The following HPSE2 variants were observed in gnomAD, a reference collection of about 807,000 sequenced individuals.
The protein encoded by HPSE2 is inactive heparanase-2.
In HPSE2, 38 loss-of-function variants were observed where a neutral mutation model predicts 60.5. The ratio of observed to expected loss-of-function variants is 0.63; its 90% confidence interval spans 0.48 to 0.82. HPSE2 has a LOEUF of 0.82. Among genes scored for constraint, HPSE2 ranks in the 40% least tolerant of loss-of-function variants. The pLI, the probability that HPSE2 is intolerant of heterozygous loss-of-function variation, is 0.00. For synonymous variants in HPSE2, 295 were observed against 293.2 expected (o/e 1.01, Z -0.06); for missense variants, 713 against 740.4 (o/e 0.96, Z 0.43).
intron 4 of HPSE2, among the ~76,000 whole-genome samples, chr10:98,722,529 T>C (rs1272475830): frequency 3.3e-5 from 5 of 152,140 alleles, no homozygotes; most frequent in Non-Finnish European, 2.9e-5. Context: ...ATGGCAAGCG[T>C]AGAAAACTAA....
chr10:98,914,348 T>C (rs550570818), intron 3 of HPSE2, among the ~76,000 whole-genome samples: 26 of 152,186 alleles, frequency 1.7e-4, no homozygotes, highest in African/African-American at 5.3e-4. Context: ...GAAACCTCTT[T>C]CTTTTGTAAA....
chr10:98,582,147 C>T lies in HPSE2; in HGVS notation c.1320+32757G>A, dbSNP rs373127453. ...TGATCTTAAAGATGAAAAAACAGAA[C>T]TAGAGTTATTTCAACTCTGTCAATT... On this transcript the variant is annotated intron_variant, in intron 9 of 11. Transcript: ENST00000370552. Among the ~76,000 whole-genome samples the T allele has an allele frequency of 1.4e-4, 22 of 152,284 alleles. No homozygotes were observed. In the East Asian group the frequency reaches 2.3e-3, roughly 16 times the overall value.
At chr10:99,059,691 CAGTT>C (rs145903573) in intron 3 of HPSE2, among the ~76,000 whole-genome samples, 2,076 of 152,068 alleles carry the variant, frequency 0.014, 46 homozygotes, top group African/African-American at 0.046. Context: ...AAGAGAAAAA[CAGTT>C]AGGCACAAAA....
intron 2 of HPSE2, among the ~76,000 whole-genome samples, chr10:99,190,162 C>T (rs914301297): frequency 1.3e-5 from 2 of 152,146 alleles, no homozygotes; most frequent in African/African-American, 2.4e-5. Context: ...GGGCATTGTG[C>T]TAATACTTTA....
intron 3 of HPSE2, among the ~76,000 whole-genome samples, chr10:98,936,633 T>A (rs1954799235): frequency 7.0e-6 from 1 of 143,122 alleles, no homozygotes; most frequent in South Asian, 2.1e-4. Flanking sequence ...AGAACAGAGT[T>A]CAGTCATTGT....
chr10:98,480,263 T>C (rs1430082911), intron 11 of HPSE2, among the ~76,000 whole-genome samples: 1 of 152,012 alleles, frequency 6.6e-6, no homozygotes, highest in Non-Finnish European at 1.5e-5. Flanking sequence ...TGTATTTTTT[T>C]TGTACAGAAG....
In HPSE2 at chr10:98,545,368, C is replaced by G. The variant is rs1486098401; in HGVS notation, c.1321-55172G>C. Among the ~76,000 whole-genome samples, 4 of 152,262 alleles carry G rather than the reference C, an allele frequency of 2.6e-5. No homozygotes were observed. In the East Asian group the frequency reaches 7.7e-4, roughly 29 times the overall value. On this transcript the variant is annotated intron_variant, in intron 9 of 11. Transcript: ENST00000370552. Reference sequence around the variant, plus strand: ...CACAACCAAAAAAGAGAATTTTAGACCAATATCCTTGATGAATATTGATGC... The same window carrying G: ...CACAACCAAAAAAGAGAATTTTAGAGCAATATCCTTGATGAATATTGATGC...
chr10:99,054,857 C>A (rs1395300320), intron 3 of HPSE2, among the ~76,000 whole-genome samples: 1 of 152,152 alleles, frequency 6.6e-6, no homozygotes, highest in East Asian at 1.9e-4. Context: ...ATTACAGGCA[C>A]CCAGCACCAT....
chr10:99,306,539 C>A, the HPSE2 span, among the ~76,000 whole-genome samples: 1 of 152,072 alleles, frequency 6.6e-6, no homozygotes, highest in Admixed American at 6.6e-5. Context: ...TCTTTTTATG[C>A]CCTCTTGGTG....
At chr10:99,056,620 C>T (rs1721123218) in intron 3 of HPSE2, among the ~76,000 whole-genome samples, 1 of 152,014 alleles carries the variant, frequency 6.6e-6, no homozygotes, top group African/African-American at 2.4e-5. Context: ...ATTAATCTCC[C>T]TAAAAATTAG....
At chr10:98,631,365 C>A (rs977217932) in intron 7 of HPSE2, among the ~76,000 whole-genome samples, 3 of 152,168 alleles carry the variant, frequency 2.0e-5, no homozygotes, top group Non-Finnish European at 2.9e-5. Context: ...AAAAGTTTCA[C>A]AGAGCCCAAA....
chr10:98,794,188 C>T (rs1950720157), intron 3 of HPSE2, among the ~76,000 whole-genome samples: 1 of 151,908 alleles, frequency 6.6e-6, no homozygotes, highest in Non-Finnish European at 1.5e-5. Context: ...CTAATGGCCC[C>T]CAAAATGTCC....
intron 9 of HPSE2, among the ~76,000 whole-genome samples, chr10:98,560,481 T>G (rs530160211): frequency 6.6e-6 from 1 of 152,354 alleles, no homozygotes; most frequent in East Asian, 1.9e-4. Flanking sequence ...CTTGGGGATC[T>G]CCTGATGAAC....
chr10:98,706,327 G>A (rs1173581229), intron 5 of HPSE2, among the ~76,000 whole-genome samples: 1 of 152,200 alleles, frequency 6.6e-6, no homozygotes, highest in African/African-American at 2.4e-5. Flanking sequence ...AAAAGCTGGA[G>A]CACCTTCTTT....
chr10:98,696,915 C>T (rs1482078679), intron 5 of HPSE2, among the ~76,000 whole-genome samples: 3 of 152,090 alleles, frequency 2.0e-5, no homozygotes, highest in African/African-American at 7.2e-5. Context: ...GGGACCTGAC[C>T]ACTGCAAGAA....
At chr10:99,291,313 C>T in the HPSE2 span, among the ~76,000 whole-genome samples, 13 of 152,180 alleles carry the variant, frequency 8.5e-5, no homozygotes, top group African/African-American at 2.4e-4. Context: ...GGGCCAGATG[C>T]GGTGGCTCAC....
chr10:98,511,558 GTGT>G (rs1564929694), intron 9 of HPSE2, among the ~76,000 whole-genome samples: 2 of 27,720 alleles, frequency 7.2e-5, no homozygotes. Flanking sequence ...TAACTATGGT[GTGT>G]GTGTGTGTGT....
the HPSE2 span, among the ~76,000 whole-genome samples, chr10:99,282,405 T>TA: frequency 6.6e-6 from 1 of 151,888 alleles, no homozygotes; most frequent in African/African-American, 2.4e-5. Context: ...AAGGGCAAAA[T>TA]ATATAGTTCT....
At chr10:98,746,864 G>T (rs1984158) in intron 3 of HPSE2, among the ~76,000 whole-genome samples, 107,441 of 151,676 alleles carry the variant, frequency 0.71, 39,084 homozygotes, top group Non-Finnish European at 0.81. Flanking sequence ...TTTGTGGGGA[G>T]AGGGAAACAA....
Sources: allele counts gnomAD v4.1 joint callset (sites outside exome capture counted in the v4.1 genomes callset), GRCh38; gene constraint gnomAD v4.1.1; transcripts MANE v1.5; gene names NCBI Gene and HGNC (gene_info 2026-07-23, HGNC 2026-07-21).